SPPL3: variants seen among roughly 807,000 people sequenced by gnomAD.
The protein encoded by SPPL3 is signal peptide peptidase like 3, also known as signal peptide peptidase-like 3.
SPPL3 carries 5 observed loss-of-function variants against 42.4 expected under a neutral mutation model. The observed-to-expected ratio is 0.12, with a 90% confidence interval of 0.06 to 0.25. The LOEUF is 0.25. Ranked by LOEUF, SPPL3 falls within the 10% of genes least tolerant of loss-of-function variation. The pLI is 1.00. For synonymous variants in SPPL3, 195 were observed against 181.8 expected, an observed-to-expected ratio of 1.07 and a Z score of -0.58; for missense variants, 235 against 489.0, an observed-to-expected ratio of 0.48 and a Z score of 4.90.
chr12:120,763,611 G>A lies in SPPL3; in HGVS notation c.*1388C>T, dbSNP rs570635954. 1 of 152,906 alleles carries A rather than the reference G, an allele frequency of 6.5e-6. No individual in the cohort carries two copies. The highest frequency in any genetic ancestry group is 1.9e-4 in the East Asian group (1 of 5,186). 9.5% of individuals were successfully genotyped at this position (152,906 alleles called of 1,614,324 possible). A position where few individuals can be genotyped will look rare whatever the true frequency, so the allele number is the denominator to read the frequency against. On this transcript the variant is annotated 3_prime_UTR_variant, in exon 11 of 11. Coordinates refer to ENST00000353487, the MANE Select transcript of SPPL3 (RefSeq NM_139015.5). ...GCAGACCTAACACTAGTTACTCCCA[G>A]AAATCTGGGCTTGCAGCAGAGACCA... is the stretch of plus-strand genomic sequence containing the variant.
At chr12:120,768,635 C>T in intron 7 of SPPL3, 147 bp from the exon 8 acceptor site, 6 of 995,040 alleles carry the variant, frequency 6.0e-6, no homozygotes, top group Middle Eastern at 2.8e-4. Context: ...AATCTTTGCT[C>T]TTCCTGTGTA....
At chr12:120,780,732 T>C (rs1392067783) in intron 6 of SPPL3, among the ~76,000 whole-genome samples, 1 of 121,506 alleles carries the variant, frequency 8.2e-6, no homozygotes, top group Non-Finnish European at 1.7e-5. Flanking sequence ...TACTAAAAAA[T>C]ACAAAAATTA....
intron 2 of SPPL3, among the ~76,000 whole-genome samples, chr12:120,802,431 AT>A (rs1166451844): frequency 0.016 from 1,665 of 105,058 alleles, 26 homozygotes; most frequent in African/African-American, 0.053. Context: ...ATATATATAT[AT>A]TTTTTTTTTT....
At chr12:120,798,755 T>C (rs1870192095) in intron 2 of SPPL3, among the ~76,000 whole-genome samples, 1 of 152,250 alleles carries the variant, frequency 6.6e-6, no homozygotes, top group Admixed American at 6.5e-5. Context: ...GCAGGTTAAA[T>C]GTGCAGGAAT....
chr12:120,796,712 TA>T (rs1280046817), intron 2 of SPPL3, among the ~76,000 whole-genome samples: 2 of 152,312 alleles, frequency 1.3e-5, no homozygotes, highest in African/African-American at 4.8e-5. Context: ...CAGTCTAGGG[TA>T]ATTATTCTCT....
At chr12:120,789,224 C>T (rs1592962870) in intron 3 of SPPL3, among the ~76,000 whole-genome samples, 1 of 148,170 alleles carries the variant, frequency 6.7e-6, no homozygotes, top group Non-Finnish European at 1.5e-5. Context: ...GAGGCCAACA[C>T]TGGAGGATCA....
rs1358778800 is a variant in SPPL3 at position 120,762,576 on chromosome 12, C to CTGCCAGGA, written c.*2415_*2422dup. ...AAGACAGAAAAATTAAAATGACCCA[C>CTGCCAGGA]TGCCAGGATAACATTTCCTTTTTTT... On this transcript the variant is annotated 3_prime_UTR_variant, in exon 11 of 11. Transcript: ENST00000353487. 1 of 149,844 alleles carries CTGCCAGGA rather than the reference C, an allele frequency of 6.7e-6. No homozygotes were observed. The highest frequency in any genetic ancestry group is 1.5e-5 in the Non-Finnish European group (1 of 67,838). 9.3% of individuals were successfully genotyped at this position (149,844 alleles called of 1,614,324 possible). A position where few individuals can be genotyped will look rare whatever the true frequency, so the allele number is the denominator to read the frequency against.
chr12:120,784,786 A>G (rs907319133), intron 3 of SPPL3, among the ~76,000 whole-genome samples, 193 bp from the exon 4 acceptor site: 3 of 152,100 alleles, frequency 2.0e-5, no homozygotes, highest in African/African-American at 7.2e-5. Context: ...GGTGCCTTTC[A>G]TTACAGCAGA....
At chr12:120,799,974 C>T (rs1870232952) in intron 2 of SPPL3, among the ~76,000 whole-genome samples, 1 of 152,098 alleles carries the variant, frequency 6.6e-6, no homozygotes, top group East Asian at 1.9e-4. Context: ...CAATTATAGG[C>T]CTTTAACTTA....
chr12:120,902,668 C>T (rs531855466), intron 1 of SPPL3, among the ~76,000 whole-genome samples: 1 of 152,316 alleles, frequency 6.6e-6, no homozygotes, highest in African/African-American at 2.4e-5. Flanking sequence ...ACGGCATGCT[C>T]GTCCCATTCT....
At chr12:120,868,463 T>C (rs1473654397) in intron 1 of SPPL3, among the ~76,000 whole-genome samples, 1 of 26,172 alleles carries the variant, frequency 3.8e-5, no homozygotes, top group African/African-American at 5.3e-5. Flanking sequence ...TAATTTCTTT[T>C]TTCTTTTTTT....
chr12:120,808,116 T>C (rs1428039005), intron 2 of SPPL3, among the ~76,000 whole-genome samples: 1 of 151,638 alleles, frequency 6.6e-6, no homozygotes, highest in East Asian at 1.9e-4. Flanking sequence ...TTTTGTTTTC[T>C]TGAACCAGGG....
At chr12:120,869,695 G>C (rs546598997) in intron 1 of SPPL3, among the ~76,000 whole-genome samples, 1 of 152,082 alleles carries the variant, frequency 6.6e-6, no homozygotes, top group African/African-American at 2.4e-5. Flanking sequence ...TAGCATTTTC[G>C]CTACTACACA....
chr12:120,808,842 A>C (rs898480176), intron 2 of SPPL3, among the ~76,000 whole-genome samples: 6 of 152,244 alleles, frequency 3.9e-5, no homozygotes, highest in African/African-American at 1.4e-4. Context: ...ATTAGGGTTG[A>C]GTCTAAAGAT....
chr12:120,833,873 T>C (rs2137020190), intron 1 of SPPL3, among the ~76,000 whole-genome samples: 1 of 151,774 alleles, frequency 6.6e-6, no homozygotes, highest in East Asian at 1.9e-4. Context: ...ATAACTGAAG[T>C]GGGCTCTAAA....
chr12:120,875,135 C>T (rs1206431064), intron 1 of SPPL3, among the ~76,000 whole-genome samples: 1 of 152,190 alleles, frequency 6.6e-6, no homozygotes, highest in Non-Finnish European at 1.5e-5. Context: ...CATCATGAAG[C>T]AAAGACAGAA....
intron 6 of SPPL3, among the ~76,000 whole-genome samples, chr12:120,778,049 T>C (rs992170345): frequency 2.0e-5 from 3 of 151,928 alleles, no homozygotes; most frequent in African/African-American, 7.3e-5. Flanking sequence ...GAAAACAGAT[T>C]TACATATTTG....
chr12:120,830,263 A>G (rs576545555), intron 1 of SPPL3, among the ~76,000 whole-genome samples: 2 of 54,220 alleles, frequency 3.7e-5, no homozygotes, highest in Non-Finnish European at 7.1e-5. Context: ...AAACACCATC[A>G]GCTGAAACGA....
In SPPL3 at chr12:120,778,429, T is replaced by C. The variant is rs369647145; in HGVS notation, c.502+4226A>G. On this transcript the variant is annotated intron_variant, in intron 6 of 10. Transcript: ENST00000353487. ...ACCGCGCCCGGCCTGAACAGTAAAA[T>C]TGACAGTTTCTCTTTAGATGTAGCA... Among the ~76,000 whole-genome samples the C allele has an allele frequency of 9.9e-5, 15 of 152,136 alleles. No homozygotes were observed. In the East Asian group the frequency reaches 2.5e-3, roughly 25 times the overall value.
Sources: gnomAD v4.1 joint callset for allele counts (sites outside exome capture counted in the v4.1 genomes callset) on GRCh38, gnomAD v4.1.1 for gene constraint, MANE v1.5 for transcripts, NCBI Gene and HGNC (gene_info 2026-07-23, HGNC 2026-07-21) for gene names.